ADCYAP1R1: variants seen among roughly 807,000 people sequenced by gnomAD.
The protein encoded by ADCYAP1R1 is ADCYAP receptor type I, also known as pituitary adenylate cyclase-activating polypeptide type I receptor.
Under a neutral mutation model 67.6 loss-of-function variants are expected in ADCYAP1R1, and 44 were observed. The observed-to-expected ratio is 0.65, with a 90% CI of 0.51 to 0.84. The LOEUF (loss-of-function observed/expected upper bound fraction) is 0.84, where lower values mean the gene tolerates loss of function less well. Ranked by LOEUF, ADCYAP1R1 falls within the 40% of genes least tolerant of loss-of-function variation. The pLI is 0.00. For missense variants in ADCYAP1R1, 477 were observed against 587.9 expected (o/e 0.81, Z 1.95); for synonymous variants, 222 against 219.6 (o/e 1.01, Z -0.10).
intron 3 of ADCYAP1R1, among the ~76,000 whole-genome samples, chr7:31,067,379 C>G (rs1014097145): frequency 1.3e-5 from 2 of 152,094 alleles, no homozygotes; most frequent in Non-Finnish European, 2.9e-5. Context: ...ACTCCATGAC[C>G]CTTTCCTGCT....
chr7:31,078,000 G>A lies in ADCYAP1R1; in HGVS notation c.167G>A (p.Gly56Glu), dbSNP rs1191746456. ...GFNDSSPGCP[G>E]MWDNITCWKP... ...GCTGTCTTACCCACAGGCTGTCCTG[G>A]GATGTGGGACAACATCACGTGTTGG... The change falls in exon 4 of 16, where the codon GGG becomes GAG. Residue 56 changes from glycine (G) to glutamate (E), a missense_variant. By Grantham distance (98) the Gly-to-Glu change is moderately conservative. Coordinates refer to ENST00000304166, the MANE Select transcript of ADCYAP1R1 (RefSeq NM_001118.5). 1 of 1,610,036 alleles carries A rather than the reference G, an allele frequency of 6.2e-7. No individual in the cohort carries two copies. The highest frequency in any genetic ancestry group is 1.7e-5 in the Admixed American group (1 of 59,734).
rs1266408317 is a variant in ADCYAP1R1 at position 31,110,756 on chromosome 7, T to C, written c.*4072T>C. 2 of 152,318 alleles carry C rather than the reference T, an allele frequency of 1.3e-5. No individual in the cohort carries two copies. The highest frequency in any genetic ancestry group is 4.8e-5 in the African/African-American group (2 of 41,458). The allele number at this position is 152,318 out of a possible 1,614,324, so 9.4% of individuals were successfully genotyped here. On this transcript the variant is annotated 3_prime_UTR_variant, in exon 16 of 16. Coordinates refer to ENST00000304166, the MANE Select transcript of ADCYAP1R1 (RefSeq NM_001118.5). Reference sequence around the variant, plus strand: ...CTCTGTGATCCAGGGCTTACCTTCTTTGGGCCTCGGCCTCCTAATCTGGGT... The same window carrying C: ...CTCTGTGATCCAGGGCTTACCTTCTCTGGGCCTCGGCCTCCTAATCTGGGT...
At chr7:31,079,377 G>C (rs1013088794) in intron 4 of ADCYAP1R1, among the ~76,000 whole-genome samples, 1 of 152,218 alleles carries the variant, frequency 6.6e-6, no homozygotes. Flanking sequence ...TGGCCATCAA[G>C]CCATGGGCGG....
chr7:31,065,480 A>G (rs34260239), intron 3 of ADCYAP1R1, among the ~76,000 whole-genome samples: 9,376 of 152,200 alleles, frequency 0.062, 417 homozygotes, highest in Non-Finnish European at 0.096. Flanking sequence ...GGAAGCACAC[A>G]TTGCAGGACA....
At chr7:31,101,511 G>C (rs1796435137) in intron 13 of ADCYAP1R1, among the ~76,000 whole-genome samples, 1 of 152,142 alleles carries the variant, frequency 6.6e-6, no homozygotes, top group African/African-American at 2.4e-5. Flanking sequence ...AGCCCCTATA[G>C]GTAGGGCCAC....
chr7:31,064,407 A>C (rs1794643066), intron 2 of ADCYAP1R1, among the ~76,000 whole-genome samples: 2 of 152,174 alleles, frequency 1.3e-5, no homozygotes, highest in African/African-American at 4.8e-5. Context: ...TATGACTTTG[A>C]GCAAGTGACT....
intron 1 of ADCYAP1R1, among the ~76,000 whole-genome samples, chr7:31,059,107 G>A (rs1794385300): frequency 6.6e-6 from 1 of 152,186 alleles, no homozygotes; most frequent in Admixed American, 6.5e-5. Context: ...TGCTGTGGGG[G>A]TGGAGGTGAC....
At chr7:31,100,875 G>T (rs949518433) in intron 13 of ADCYAP1R1, among the ~76,000 whole-genome samples, 2 of 152,258 alleles carry the variant, frequency 1.3e-5, no homozygotes, top group African/African-American at 2.4e-5. Context: ...AGGTGCCATT[G>T]CTCCCCTGGG....
At chr7:31,084,922 T>A in intron 8 of ADCYAP1R1, 88 bp downstream of exon 8, 1 of 1,264,188 alleles carries the variant, frequency 7.9e-7, no homozygotes, top group Non-Finnish European at 1.2e-6. Context: ...CCCCTTGATG[T>A]CAGCCCTAGA....
intron 1 of ADCYAP1R1, among the ~76,000 whole-genome samples, chr7:31,060,501 G>T (rs1303264322): frequency 2.7e-5 from 4 of 149,170 alleles, no homozygotes; most frequent in Admixed American, 6.7e-5. Context: ...GTGTGTGTGT[G>T]GTGTGTGTGT....
At chr7:31,100,219 G>A (rs1351922128) in intron 13 of ADCYAP1R1, 1 of 1,550,434 alleles carries the variant, frequency 6.4e-7, no homozygotes, top group Admixed American at 2.0e-5. Context: ...CTGTAAGTGT[G>A]CGTGGCCGAG....
rs545808345 is a variant in ADCYAP1R1 at position 31,084,268 on chromosome 7, G to A, written c.438+18G>A. 1.3e-5 allele frequency: 21 copies of A among 1,604,084 alleles called. No individual in the cohort carries two copies. In the South Asian group the frequency reaches 2.0e-4, roughly 15 times the overall value. ...GGGACCAGGTGAGTGTCTGCACCCTGCTCCCCAGAGGTGGTGAGGGTAGGG... is the reference window on the plus strand; with the variant it reads ...GGGACCAGGTGAGTGTCTGCACCCTACTCCCCAGAGGTGGTGAGGGTAGGG... On this transcript the variant is annotated intron_variant, in intron 7 of 15. Transcript: ENST00000304166.
In ADCYAP1R1 at chr7:31,109,327, C is replaced by G. The variant is rs1267307161; in HGVS notation, c.*2643C>G. The G allele has an allele frequency of 2.6e-5, 4 of 152,344 alleles. No homozygotes were observed. In the East Asian group the frequency reaches 7.7e-4, roughly 29 times the overall value. The allele number at this position is 152,344 out of a possible 1,614,324, so 9.4% of individuals were successfully genotyped here. On this transcript the variant is annotated 3_prime_UTR_variant, in exon 16 of 16. Coordinates refer to ENST00000304166, the MANE Select transcript of ADCYAP1R1 (RefSeq NM_001118.5). ...GACAGCATAAGGTCTATGTAAAACCCTTCCCTCTCTGACCCTCTGTTTTCA... is the reference window on the plus strand; with the variant it reads ...GACAGCATAAGGTCTATGTAAAACCGTTCCCTCTCTGACCCTCTGTTTTCA...
rs998009640 is a variant in ADCYAP1R1 at position 31,088,312 on chromosome 7, C to T, written c.954+616C>T. Among the ~76,000 whole-genome samples the T allele has an allele frequency of 7.9e-5, 12 of 152,272 alleles. No individual in the cohort carries two copies. In the East Asian group the frequency reaches 1.7e-3, roughly 22 times the overall value. ...CAGTTTAAAGGATAGTTAACACTTCCGATGTTGTGTATGTTGCAAGTATAT... is the reference window on the plus strand; with the variant it reads ...CAGTTTAAAGGATAGTTAACACTTCTGATGTTGTGTATGTTGCAAGTATAT... On this transcript the variant is annotated intron_variant, in intron 12 of 15. Coordinates refer to ENST00000304166, the MANE Select transcript of ADCYAP1R1 (RefSeq NM_001118.5).
At chr7:31,067,226 G>T (rs1367337798) in intron 3 of ADCYAP1R1, among the ~76,000 whole-genome samples, 4 of 152,126 alleles carry the variant, frequency 2.6e-5, no homozygotes, top group African/African-American at 9.7e-5. Context: ...CTAAGGAGAG[G>T]ATCCCTCATC....
chr7:31,109,838 GT>G lies in ADCYAP1R1; in HGVS notation c.*3155del. 1 of 152,538 alleles carries G rather than the reference GT, an allele frequency of 6.6e-6. No individual in the cohort carries two copies. The highest frequency in any genetic ancestry group is 1.9e-4 in the East Asian group (1 of 5,162). 9.4% of individuals were successfully genotyped at this position (152,538 alleles called of 1,614,324 possible). On this transcript the variant is annotated 3_prime_UTR_variant, in exon 16 of 16. Transcript: ENST00000304166. ...GGTGGCTCTGTGGTTCAGTGGCTCT[GT>G]GGTAGTTCCTAGCACTGCAGACTTC...
Position 31,110,578 on chromosome 7 carries a change from ATG to A in ADCYAP1R1, c.*3897_*3898del, listed in dbSNP as rs1412440151. On this transcript the variant is annotated 3_prime_UTR_variant, in exon 16 of 16. Transcript: ENST00000304166. ...ATGCATAGCCCTGCACATGAGCAGA[ATG>A]TGACACTCAAAGCATCCATGCAGTA... The A allele has an allele frequency of 1.3e-5, 2 of 152,448 alleles. No homozygotes were observed. The highest frequency in any genetic ancestry group is 4.8e-5 in the African/African-American group (2 of 41,460). 9.4% of individuals were successfully genotyped at this position (152,448 alleles called of 1,614,324 possible).
intron 1 of ADCYAP1R1, among the ~76,000 whole-genome samples, chr7:31,057,263 T>A (rs1584470133): frequency 6.6e-6 from 1 of 152,260 alleles, no homozygotes; most frequent in East Asian, 1.9e-4. Context: ...CCCCTCCTCT[T>A]ACCTGGCCCA....
rs7793414 is a variant in ADCYAP1R1, at chr7:31,109,669, T to G, written c.*2985T>G. The stretch of plus-strand genomic sequence containing the variant: ...GAATTCTCCTTGGGATGAAGAAATT[T>G]CTCTTTCCCTGTCATGAGTGTCCAG... On this transcript the variant is annotated 3_prime_UTR_variant, in exon 16 of 16. Coordinates refer to ENST00000304166, the MANE Select transcript of ADCYAP1R1 (RefSeq NM_001118.5). The G allele has an allele frequency of 0.46, 70,532 of 151,786 alleles. 18,957 individuals carry two copies. Among genetic ancestry groups the G allele is most frequent in the East Asian group, 0.79 (4,060 of 5,128 alleles). 9.4% of individuals were successfully genotyped at this position (151,786 alleles called of 1,614,324 possible).
Sources: allele counts gnomAD v4.1 joint callset (sites outside exome capture counted in the v4.1 genomes callset), GRCh38; gene constraint gnomAD v4.1.1; transcripts MANE v1.5; gene names NCBI Gene and HGNC (gene_info 2026-07-23, HGNC 2026-07-21).